PKP4: variants seen among roughly 807,000 people sequenced by gnomAD.
PKP4 encodes the protein plakophilin 4, also known as plakophilin-4.
In PKP4, 90 loss-of-function variants were observed where a neutral mutation model predicts 145.1. The ratio of observed to expected loss-of-function variants is 0.62; its 90% CI spans 0.52 to 0.74. PKP4 has a LOEUF of 0.74. Ranked by LOEUF, PKP4 falls within the 30% of genes least tolerant of loss-of-function variation. PKP4 has a pLI of 0.00. For missense variants in PKP4, 1,340 were observed against 1,482.7 expected (o/e 0.90, Z 1.58); for synonymous variants, 563 against 577.2 (o/e 0.98, Z 0.35).
chr2:158,603,476 G>A (rs960021820), intron 4 of PKP4, among the ~76,000 whole-genome samples: 2 of 152,024 alleles, frequency 1.3e-5, no homozygotes, highest in Admixed American at 6.6e-5. Flanking sequence ...GAGAAAAGTC[G>A]CTTGAAGTTT....
intron 1 of PKP4, among the ~76,000 whole-genome samples, chr2:158,526,331 T>A (rs2042937772): frequency 1.5e-5 from 2 of 131,098 alleles, no homozygotes; most frequent in Admixed American, 1.6e-4. Context: ...TGGTTCAATA[T>A]ACGCAAATCA....
At chr2:158,581,401 G>A (rs1232132405) in intron 3 of PKP4, among the ~76,000 whole-genome samples, 3 of 152,154 alleles carry the variant, frequency 2.0e-5, no homozygotes, top group Non-Finnish European at 2.9e-5. Context: ...AAGGTGATCT[G>A]TAAGATTTTC....
intron 3 of PKP4, among the ~76,000 whole-genome samples, chr2:158,584,303 C>G (rs1415487367): frequency 6.6e-6 from 1 of 152,190 alleles, no homozygotes; most frequent in African/African-American, 2.4e-5. Flanking sequence ...TTTCCACGTG[C>G]CAGCGGAATT....
At chr2:158,646,094 A>G (rs1366217603) in intron 11 of PKP4, among the ~76,000 whole-genome samples, 1 of 152,234 alleles carries the variant, frequency 6.6e-6, no homozygotes, top group African/African-American at 2.4e-5. Context: ...CTAATAGATC[A>G]TATCAATCAC....
At chr2:158,515,732 G>C (rs1445751053) in intron 1 of PKP4, among the ~76,000 whole-genome samples, 2 of 152,112 alleles carry the variant, frequency 1.3e-5, no homozygotes, top group Non-Finnish European at 2.9e-5. Context: ...TCCTCAGAAT[G>C]TTAATAGATG....
At chr2:158,544,330 G>A (rs1574400507) in intron 2 of PKP4, among the ~76,000 whole-genome samples, 1 of 152,034 alleles carries the variant, frequency 6.6e-6, no homozygotes, top group Non-Finnish European at 1.5e-5. Context: ...TTTGTAAAAA[G>A]GACTGTTATA....
chr2:158,641,627 A>G (rs2054290679), intron 10 of PKP4, among the ~76,000 whole-genome samples: 1 of 152,186 alleles, frequency 6.6e-6, no homozygotes, highest in East Asian at 1.9e-4. Flanking sequence ...AGTGTTTTTC[A>G]TCATTTTAAT....
At chr2:158,677,844 G>A (rs1468550146) in intron 20 of PKP4, among the ~76,000 whole-genome samples, 1 of 152,124 alleles carries the variant, frequency 6.6e-6, no homozygotes, top group East Asian at 1.9e-4. Context: ...TTATCTTACA[G>A]ATCACCTCTT....
intron 4 of PKP4, among the ~76,000 whole-genome samples, chr2:158,613,329 A>G (rs929069356): frequency 1.3e-5 from 2 of 152,246 alleles, no homozygotes; most frequent in South Asian, 4.1e-4. Context: ...CCTAGCTATT[A>G]TGTAAAATAT....
intron 17 of PKP4, among the ~76,000 whole-genome samples, chr2:158,672,657 G>A (rs1209513377): frequency 6.6e-6 from 1 of 152,184 alleles, no homozygotes; most frequent in African/African-American, 2.4e-5. Context: ...TTTAGCTATT[G>A]CCTGTTCCAT....
Position 158,645,232 on chromosome 2 carries a change from C to T in PKP4, c.1909+2533C>T, listed in dbSNP as rs147820382. ...ATTAGTACTCCCACTTTCTAAAATG[C>T]TTTTGAGGCATCTCACCAAAAAACA... On this transcript the variant is annotated intron_variant, in intron 11 of 21. Transcript: ENST00000389759. 7.0e-4 allele frequency among the ~76,000 whole-genome samples: 106 copies of T among 152,286 alleles called. No homozygotes were observed. In the Middle Eastern group the frequency reaches 0.024, roughly 34 times the overall value.
chr2:158,490,976 G>A (rs1169433994), intron 1 of PKP4, among the ~76,000 whole-genome samples: 2 of 152,082 alleles, frequency 1.3e-5, no homozygotes, highest in East Asian at 3.9e-4. Context: ...TTGTTTGTGT[G>A]TACTCTTGTA....
chr2:158,596,299 G>T (rs2049734703), intron 3 of PKP4, among the ~76,000 whole-genome samples: 1 of 152,156 alleles, frequency 6.6e-6, no homozygotes, highest in African/African-American at 2.4e-5. Flanking sequence ...AAGCCACTGA[G>T]ATTTCATCTG....
chr2:158,478,085 A>G (rs75749660), intron 1 of PKP4, among the ~76,000 whole-genome samples: 71 of 152,250 alleles, frequency 4.7e-4, no homozygotes, highest in Non-Finnish European at 2.4e-4. Flanking sequence ...GAGATCTTAA[A>G]TTTGCAGTTT....
At chr2:158,466,597 T>C (rs1007958764) in intron 1 of PKP4, among the ~76,000 whole-genome samples, 4 of 151,578 alleles carry the variant, frequency 2.6e-5, no homozygotes, top group Admixed American at 2.6e-4. Context: ...CCCAGCTACT[T>C]GGGAGGCTGA....
chr2:158,492,188 T>C (rs1695040207), intron 1 of PKP4, among the ~76,000 whole-genome samples: 1 of 151,680 alleles, frequency 6.6e-6, no homozygotes, highest in South Asian at 2.1e-4. Flanking sequence ...ACTGCCCTGA[T>C]TGAAAAAAAA....
intron 1 of PKP4, among the ~76,000 whole-genome samples, chr2:158,478,479 A>G (rs747811147): frequency 3.0e-4 from 45 of 152,200 alleles, no homozygotes; most frequent in African/African-American, 8.2e-4. Flanking sequence ...ATCAAGATAA[A>G]TGGAATCATC....
chr2:158,515,525 G>A (rs1296288061), intron 1 of PKP4, among the ~76,000 whole-genome samples: 1 of 151,914 alleles, frequency 6.6e-6, no homozygotes, highest in Non-Finnish European at 1.5e-5. Context: ...GTTTTTGGTG[G>A]CAGGAATCTT....
At chr2:158,630,707 G>A (rs966102820) in intron 7 of PKP4, among the ~76,000 whole-genome samples, 11 of 152,204 alleles carry the variant, frequency 7.2e-5, no homozygotes, top group Admixed American at 2.0e-4. Flanking sequence ...ATTGTCCACT[G>A]AATGAGACTG....
Sources: gnomAD v4.1 joint callset for allele counts (sites outside exome capture counted in the v4.1 genomes callset) on GRCh38, gnomAD v4.1.1 for gene constraint, MANE v1.5 for transcripts, NCBI Gene and HGNC (gene_info 2026-07-23, HGNC 2026-07-21) for gene names.